Variants in GALNT13 observed in about 807,000 individuals in gnomAD.
The protein encoded by GALNT13 is UDP-GalNAc:polypeptide N-acetylgalactosaminyltransferase 13.
Under a neutral mutation model 64.2 loss-of-function variants are expected in GALNT13, and 28 were observed. The ratio of observed to expected loss-of-function variants is 0.44; its 90% CI spans 0.32 to 0.60. The LOEUF (loss-of-function observed/expected upper bound fraction) is 0.60. Ranked by LOEUF, GALNT13 falls within the 20% of genes least tolerant of loss-of-function variation. The pLI is 0.05. For synonymous variants in GALNT13, 214 were observed against 224.6 expected, an observed-to-expected ratio of 0.95 and a Z score of 0.42; for missense variants, 577 against 669.8, an observed-to-expected ratio of 0.86 and a Z score of 1.53.
intron 4 of GALNT13, among the ~76,000 whole-genome samples, chr2:154,180,462 C>T: frequency 6.6e-6 from 1 of 151,526 alleles, no homozygotes; most frequent in East Asian, 1.9e-4. Context: ...TTTAAATTTA[C>T]ATTTACAATT....
intron 4 of GALNT13, among the ~76,000 whole-genome samples, chr2:154,154,131 T>G (rs1684254686): frequency 6.6e-6 from 1 of 152,164 alleles, no homozygotes; most frequent in East Asian, 1.9e-4. Flanking sequence ...ATATTTTTGT[T>G]CCATGTGACT....
chr2:153,664,585 G>T, the GALNT13 span, among the ~76,000 whole-genome samples: 36,015 of 152,106 alleles, frequency 0.24, 5,498 homozygotes, highest in Middle Eastern at 0.46. Context: ...AAAGACAGGT[G>T]TAGGAAATTA....
chr2:153,673,767 G>T, the GALNT13 span, among the ~76,000 whole-genome samples: 5 of 152,150 alleles, frequency 3.3e-5, no homozygotes, highest in Non-Finnish European at 7.4e-5. Context: ...AAGTCAAATT[G>T]TCTCTGTTGC....
chr2:153,080,540 T>C, the GALNT13 span, among the ~76,000 whole-genome samples: 2 of 152,162 alleles, frequency 1.3e-5, no homozygotes, highest in Non-Finnish European at 2.9e-5. Context: ...TACCATTTCT[T>C]GTGACCTAAG....
At chr2:154,409,275 A>G in intron 11 of GALNT13, 193 bp downstream of exon 11, 1 of 579,282 alleles carries the variant, frequency 1.7e-6, no homozygotes, top group Non-Finnish European at 3.1e-6. Context: ...TTAAAATAAA[A>G]AGAGCAACAC....
At chr2:153,881,223 C>T (rs368439619) in intron 1 of GALNT13, among the ~76,000 whole-genome samples, 8 of 152,150 alleles carry the variant, frequency 5.3e-5, no homozygotes, top group Admixed American at 3.3e-4. Context: ...ACTTGCCACA[C>T]GGTTCTCACA....
intron 9 of GALNT13, among the ~76,000 whole-genome samples, chr2:154,306,594 T>G: frequency 8.0e-6 from 1 of 125,582 alleles, no homozygotes; most frequent in African/African-American, 3.0e-5. Flanking sequence ...AATTCAGGGA[T>G]CAAGGTTTTT....
chr2:153,668,713 G>T, the GALNT13 span, among the ~76,000 whole-genome samples: 3 of 152,004 alleles, frequency 2.0e-5, no homozygotes, highest in African/African-American at 4.8e-5. Context: ...GGTAAGCAGC[G>T]ACCCACACGT....
intron 3 of GALNT13, among the ~76,000 whole-genome samples, chr2:154,006,263 G>A (rs897702100): frequency 1.3e-5 from 2 of 152,102 alleles, no homozygotes; most frequent in Non-Finnish European, 2.9e-5. Context: ...TTATAGAGAA[G>A]ATTGTTTTAA....
At chr2:153,200,133 C>T in the GALNT13 span, among the ~76,000 whole-genome samples, 1 of 152,188 alleles carries the variant, frequency 6.6e-6, no homozygotes, top group African/African-American at 2.4e-5. Flanking sequence ...AATTCCTCGG[C>T]TTCTGAACCT....
At chr2:153,991,454 A>G (rs1046420542) in intron 3 of GALNT13, among the ~76,000 whole-genome samples, 2 of 152,124 alleles carry the variant, frequency 1.3e-5, no homozygotes, top group African/African-American at 4.8e-5. Context: ...AAAAGAGTAA[A>G]CACTGTCCAG....
At chr2:154,284,740 C>T (rs1410693181) in intron 8 of GALNT13, among the ~76,000 whole-genome samples, 1 of 152,096 alleles carries the variant, frequency 6.6e-6, no homozygotes, top group Non-Finnish European at 1.5e-5. Context: ...TATCGTAATT[C>T]CAGTTTTAGC....
At chr2:153,485,028 G>T in the GALNT13 span, among the ~76,000 whole-genome samples, 29 of 152,254 alleles carry the variant, frequency 1.9e-4, no homozygotes, top group Admixed American at 7.8e-4. Flanking sequence ...TAAAATTATG[G>T]TTGCAAGTTT....
At chr2:153,103,227 C>T in the GALNT13 span, among the ~76,000 whole-genome samples, 3 of 152,176 alleles carry the variant, frequency 2.0e-5, no homozygotes, top group Admixed American at 6.6e-5. Flanking sequence ...TGACCTCAAC[C>T]TTTCTGTGCT....
chr2:153,454,807 G>A, the GALNT13 span, among the ~76,000 whole-genome samples: 1 of 152,198 alleles, frequency 6.6e-6, no homozygotes, highest in Non-Finnish European at 1.5e-5. Flanking sequence ...CAGGCACACA[G>A]CGTACTCACA....
chr2:153,747,263 A>G, the GALNT13 span, among the ~76,000 whole-genome samples: 1 of 151,952 alleles, frequency 6.6e-6, no homozygotes, highest in African/African-American at 2.4e-5. Flanking sequence ...ATCATTGACT[A>G]TAGTCACCCT....
intron 2 of GALNT13, among the ~76,000 whole-genome samples, chr2:153,919,741 A>G (rs1042872297): frequency 3.3e-5 from 5 of 151,850 alleles, no homozygotes; most frequent in East Asian, 1.9e-4. Flanking sequence ...ATTGATTACA[A>G]TAATAGCAAT....
At chr2:154,379,984 GAAATA>G (rs774814508) in intron 9 of GALNT13, among the ~76,000 whole-genome samples, 6 of 151,756 alleles carry the variant, frequency 4.0e-5, no homozygotes, top group Non-Finnish European at 8.8e-5. Flanking sequence ...TCTAGCAGAA[GAAATA>G]AAATTAAACT....
intron 11 of GALNT13, among the ~76,000 whole-genome samples, chr2:154,418,456 A>G (rs1467455936): frequency 6.6e-6 from 1 of 152,194 alleles, no homozygotes; most frequent in Non-Finnish European, 1.5e-5. Context: ...AAAGGGAAGC[A>G]GAGGGAGAAG....
Sources: gnomAD v4.1 joint callset for allele counts (sites outside exome capture counted in the v4.1 genomes callset) on GRCh38, gnomAD v4.1.1 for gene constraint, MANE v1.5 for transcripts, NCBI Gene and HGNC (gene_info 2026-07-23, HGNC 2026-07-21) for gene names.